Variants in ZNF726 observed in about 807,000 individuals in gnomAD.
ZNF726 encodes the protein zinc finger protein 726, also known as zinc finger protein 92 pseudogene 3.
A neutral mutation model predicts 11.6 loss-of-function variants in ZNF726; 15 were observed. The ratio of observed to expected loss-of-function variants is 1.29; its 90% CI spans 0.86 to 1.99. The LOEUF (loss-of-function observed/expected upper bound fraction) is 1.99, where lower values mean the gene tolerates loss of function less well. Ranked by LOEUF, ZNF726 falls within the 30% of genes most tolerant of loss-of-function variation. The pLI, the probability that ZNF726 is intolerant of heterozygous loss-of-function variation, is 0.00. For synonymous variants in ZNF726, 295 were observed against 243.6 expected (o/e 1.21, Z -1.96); for missense variants, 890 against 725.6 (o/e 1.23, Z -2.60).
In ZNF726 at chr19:23,933,095, A is replaced by T. The variant is rs752340327; in HGVS notation, c.979A>T (p.Thr327Ser). ...TGGCAAAGCATTTGTTTGGTCCTCA[A>T]CCCTAACTAGACATAAGAGGCTGCA... ...ECGKAFVWSS[T>S]LTRHKRLHSG... The change falls in exon 4 of 4, where the codon ACC becomes TCC. Residue 327 changes from threonine to serine, a missense_variant. Transcript: ENST00000594466. The T allele has an allele frequency of 6.2e-7, 1 of 1,612,156 alleles. No homozygotes were observed. Among genetic ancestry groups the T allele is most frequent in the Non-Finnish European group, 8.5e-7 (1 of 1,179,928 alleles).
In ZNF726 at chr19:23,932,863, A is replaced by G; in HGVS notation, c.747A>G (p.Val249=). ...NQSSNYTTHK[V]THTGEKPYKC... is the part of the protein sequence containing the mutation. ...CCTCAAATTATACTACACATAAGGT[A>G]ACTCATACTGGAGAGAAGCCTTACA... The change falls in exon 4 of 4, where the codon GTA becomes GTG. Residue 249 remains valine (V), a synonymous_variant. Coordinates refer to ENST00000594466, the MANE Select transcript of ZNF726 (RefSeq NM_001244038.2). 1.9e-6 allele frequency: 3 copies of G among 1,608,400 alleles called. No homozygotes were observed. Among genetic ancestry groups the G allele is most frequent in the Non-Finnish European group, 2.5e-6 (3 of 1,177,594 alleles).
At chr19:23,941,925 C>T (rs1968344829) in intron 3 of ZNF726, among the ~76,000 whole-genome samples, 1 of 151,928 alleles carries the variant, frequency 6.6e-6, no homozygotes, top group African/African-American at 2.4e-5. Context: ...AGGAGTAGCT[C>T]TTTGTTTCAT....
chr19:23,936,708 CTT>C (rs60242417), downstream of ZNF726, among the ~76,000 whole-genome samples: 66 of 146,686 alleles, frequency 4.5e-4, no homozygotes, highest in Middle Eastern at 3.5e-3. Flanking sequence ...GAAAGAAAAA[CTT>C]TTTTTTTTTC....
intron 1 of ZNF726, among the ~76,000 whole-genome samples, chr19:23,915,568 T>G (rs925980308): frequency 6.6e-6 from 1 of 152,054 alleles, no homozygotes; most frequent in Non-Finnish European, 1.5e-5. Context: ...TGTTATTTTG[T>G]TGTTGTTGTT....
intron 1 of ZNF726, among the ~76,000 whole-genome samples, chr19:23,915,774 GT>G (rs1967683886): frequency 6.6e-6 from 1 of 151,902 alleles, no homozygotes; most frequent in Non-Finnish European, 1.5e-5. Flanking sequence ...GGAGACGGGG[GT>G]TTCACCGTGT....
At chr19:23,943,605 T>A (rs1181510395) in intron 4 of ZNF726, 2 of 612,918 alleles carry the variant, frequency 3.3e-6, no homozygotes, top group Non-Finnish European at 6.1e-6. Context: ...TAAGCATGAA[T>A]GAAGCCGATA....
At chr19:23,936,348 A>G (rs1968230841), downstream of ZNF726, among the ~76,000 whole-genome samples, 1 of 152,202 alleles carries the variant, frequency 6.6e-6, no homozygotes. Context: ...ACTTTAAAAG[A>G]AGAATATTTT....
At chr19:23,937,275 GC>G (rs1249370075), downstream of ZNF726, among the ~76,000 whole-genome samples, 4 of 151,662 alleles carry the variant, frequency 2.6e-5, no homozygotes, top group Non-Finnish European at 5.9e-5. Flanking sequence ...GGCTGGCCGG[GC>G]GGGGGGCTGA....
At chr19:23,935,082 T>A (rs1273815909), downstream of ZNF726, 3 of 351,418 alleles carry the variant, frequency 8.5e-6, no homozygotes. Flanking sequence ...CCAGGCAGAC[T>A]GCTGCTGCTT....
intron 3 of ZNF726, among the ~76,000 whole-genome samples, chr19:23,924,342 C>A (rs1225010564): frequency 1.3e-5 from 2 of 152,112 alleles, no homozygotes; most frequent in Non-Finnish European, 2.9e-5. Flanking sequence ...GCGTGAGCCG[C>A]CTTGCCTGGC....
downstream of ZNF726, among the ~76,000 whole-genome samples, chr19:23,936,363 A>G (rs1019922673): frequency 6.6e-6 from 1 of 152,182 alleles, no homozygotes; most frequent in South Asian, 2.1e-4. Context: ...TATTTTTTGG[A>G]GAGTTATAAT....
At chr19:23,941,327 AC>A (rs1473713921) in intron 3 of ZNF726, among the ~76,000 whole-genome samples, 3 of 152,128 alleles carry the variant, frequency 2.0e-5, no homozygotes, top group African/African-American at 7.2e-5. Flanking sequence ...CTGGTATGCA[AC>A]CCACTTGATT....
Position 23,932,933 on chromosome 19 carries a change from ACC to A in ZNF726, c.818_819del (p.Thr273AsnfsTer3). 6.2e-7 allele frequency: 1 copy of A among 1,611,402 alleles called. No individual in the cohort carries two copies. ...GKAFSQSSTL[T>X]IHKRIHTGEK... is the part of the protein sequence containing the mutation. ...AGCATTTAGCCAATCCTCAACACTA[ACC>A]ATACATAAGAGGATACATACTGGAG... is the stretch of plus-strand genomic sequence containing the variant. On this transcript the variant is annotated frameshift_variant, in exon 4 of 4. Transcript: ENST00000594466. LOFTEE classifies it low-confidence loss of function (END_TRUNC).
At chr19:23,943,682 C>A in intron 4 of ZNF726, 1 of 436,196 alleles carries the variant, frequency 2.3e-6, no homozygotes, top group East Asian at 3.2e-5. Flanking sequence ...GGATGCTCTG[C>A]TTCAGTGGAA....
intron 3 of ZNF726, chr19:23,920,659 C>T (rs1013996031): frequency 1.3e-5 from 2 of 152,446 alleles, no homozygotes; most frequent in Non-Finnish European, 2.9e-5. Flanking sequence ...GTGATCCACC[C>T]ACCTCAGACT....
At chr19:23,938,838 C>G (rs531678356), downstream of ZNF726, among the ~76,000 whole-genome samples, 1 of 152,180 alleles carries the variant, frequency 6.6e-6, no homozygotes, top group Non-Finnish European at 1.5e-5. Flanking sequence ...AACTTCTGAC[C>G]TAAGGTGATC....
downstream of ZNF726, among the ~76,000 whole-genome samples, chr19:23,938,364 A>G (rs181256451): frequency 0.01 from 1,532 of 152,280 alleles, 28 homozygotes; most frequent in African/African-American, 0.035. Context: ...GCCAAAAAAA[A>G]GTAATATTGG....
downstream of ZNF726, among the ~76,000 whole-genome samples, chr19:23,938,974 T>C (rs1279551707): frequency 6.6e-6 from 1 of 152,142 alleles, no homozygotes; most frequent in African/African-American, 2.4e-5. Context: ...GATTTTTTTT[T>C]TAATTTCATT....
At chr19:23,930,936 A>T (rs1968090322) in intron 3 of ZNF726, among the ~76,000 whole-genome samples, 1 of 152,166 alleles carries the variant, frequency 6.6e-6, no homozygotes, top group East Asian at 1.9e-4. Context: ...TGCAAAGCTA[A>T]ATCTTAATAC....
Sources: allele counts gnomAD v4.1 joint callset (sites outside exome capture counted in the v4.1 genomes callset), GRCh38; gene constraint gnomAD v4.1.1; transcripts MANE v1.5; gene names NCBI Gene and HGNC (gene_info 2026-07-23, HGNC 2026-07-21).